The following NRG1 variants were observed in gnomAD, a reference collection of about 807,000 sequenced individuals.
NRG1 encodes the protein neuregulin 1.
NRG1 carries 18 observed loss-of-function variants against 63.8 expected under a neutral mutation model. The ratio of observed to expected loss-of-function variants is 0.28; its 90% CI spans 0.19 to 0.42. The LOEUF is 0.42. Ranked by LOEUF, NRG1 falls within the 10% of genes least tolerant of loss-of-function variation. The pLI is 1.00. For missense variants in NRG1, 762 were observed against 814.7 expected, an observed-to-expected ratio of 0.94 and a Z score of 0.79; for synonymous variants, 302 against 301.3, an observed-to-expected ratio of 1.00 and a Z score of -0.02.
chr8:32,024,168 T>C lies in NRG1; in HGVS notation c.37+384737T>C, dbSNP rs542412029. Among the ~76,000 whole-genome samples the C allele has an allele frequency of 1.1e-3, 166 of 152,328 alleles. 1 individual carries two copies. Among genetic ancestry groups the C allele is most frequent in the African/African-American group, 3.7e-3 (155 of 41,564 alleles). On this transcript the variant is annotated intron_variant, in intron 1 of 10. Coordinates refer to the NRG1 transcript ENST00000519301. ...TGTGATCCTGCCTAATACAGTAATT[T>C]GATTCCAGTTGAAAACTTCCATTAC...
At chr8:32,601,633 A>T (rs1844382133) in intron 2 of NRG1, among the ~76,000 whole-genome samples, 1 of 151,920 alleles carries the variant, frequency 6.6e-6, no homozygotes, top group African/African-American at 2.4e-5. Context: ...TGCCAGTGGG[A>T]CCTCTGTTTC....
At chr8:32,509,075 C>CTTTTT in intron 1 of NRG1, among the ~76,000 whole-genome samples, 1 of 149,558 alleles carries the variant, frequency 6.7e-6, no homozygotes. Context: ...TTTTCTTTTC[C>CTTTTT]TATTTTATTT....
intron 1 of NRG1, among the ~76,000 whole-genome samples, chr8:31,760,779 A>G (rs1375679831): frequency 3.3e-5 from 5 of 152,092 alleles, no homozygotes; most frequent in East Asian, 1.9e-4. Context: ...TTAGAATGGC[A>G]ATCATTAAAA....
intron 1 of NRG1, among the ~76,000 whole-genome samples, chr8:32,519,069 T>A (rs1457084642): frequency 6.6e-6 from 1 of 152,160 alleles, no homozygotes; most frequent in Non-Finnish European, 1.5e-5. Context: ...ATGAAATTTC[T>A]TAGGGTTAGA....
At chr8:32,155,734 T>C (rs1339786169) in intron 1 of NRG1, among the ~76,000 whole-genome samples, 1 of 152,238 alleles carries the variant, frequency 6.6e-6, no homozygotes, top group Non-Finnish European at 1.5e-5. Flanking sequence ...CTTCCTCTCA[T>C]TGAATCTGAT....
chr8:32,243,766 A>G (rs1848353204), intron 1 of NRG1, among the ~76,000 whole-genome samples: 1 of 152,074 alleles, frequency 6.6e-6, no homozygotes. Context: ...ATAGGTTTAG[A>G]TGAGGTCAGG....
intron 1 of NRG1, among the ~76,000 whole-genome samples, chr8:31,699,815 A>G (rs1180907214): frequency 1.3e-5 from 2 of 152,192 alleles, no homozygotes; most frequent in African/African-American, 4.8e-5. Flanking sequence ...CCTGGGACTG[A>G]CAACCTAGGT....
chr8:32,609,651 CT>C (rs1846009958), intron 3 of NRG1, among the ~76,000 whole-genome samples: 1 of 128,532 alleles, frequency 7.8e-6, no homozygotes, highest in Non-Finnish European at 1.6e-5. Flanking sequence ...GTCTGTCTCT[CT>C]CTCTCTTTCC....
chr8:32,605,499 T>C (rs1451616187), intron 2 of NRG1, 63 bp from the exon 3 acceptor site: 1 of 1,585,304 alleles, frequency 6.3e-7, no homozygotes, highest in African/African-American at 1.4e-5. Context: ...TAGAAAAGTA[T>C]GTATTTATAT....
chr8:32,646,116 G>T (rs1853473061), intron 5 of NRG1, among the ~76,000 whole-genome samples: 1 of 152,110 alleles, frequency 6.6e-6, no homozygotes, highest in South Asian at 2.1e-4. Context: ...TCATAACTCT[G>T]TTACTTACTG....
chr8:31,886,564 T>C (rs1830729645), intron 1 of NRG1, among the ~76,000 whole-genome samples: 1 of 152,110 alleles, frequency 6.6e-6, no homozygotes, highest in African/African-American at 2.4e-5. Flanking sequence ...CAATCAAGTT[T>C]GCTAAAATGA....
chr8:31,639,572 A>G (rs1391435238), intron 1 of NRG1: 15 of 1,436,716 alleles, frequency 1.0e-5, no homozygotes, highest in Middle Eastern at 3.7e-4. Context: ...CCGCCGCAGC[A>G]TCACTTCACA....
chr8:31,987,453 G>C (rs988211017), intron 1 of NRG1, among the ~76,000 whole-genome samples: 1 of 151,010 alleles, frequency 6.6e-6, no homozygotes, highest in Non-Finnish European at 1.5e-5. Context: ...CAACATGGAC[G>C]CAGCTGGAGG....
intron 1 of NRG1, among the ~76,000 whole-genome samples, chr8:31,984,574 T>C (rs1293090743): frequency 6.6e-6 from 1 of 152,108 alleles, no homozygotes; most frequent in Non-Finnish European, 1.5e-5. Context: ...TTTCTGTGTC[T>C]GGACACTGGA....
chr8:32,309,053 A>T (rs1367204403), intron 1 of NRG1, among the ~76,000 whole-genome samples: 1 of 152,136 alleles, frequency 6.6e-6, no homozygotes, highest in Admixed American at 6.6e-5. Flanking sequence ...GGAGTGAAGG[A>T]TGTGCCATCC....
At chr8:32,273,328 G>T (rs1234839497) in intron 1 of NRG1, among the ~76,000 whole-genome samples, 1 of 152,030 alleles carries the variant, frequency 6.6e-6, no homozygotes, top group East Asian at 1.9e-4. Flanking sequence ...TGGAACACTT[G>T]CAGTTATTTT....
intron 1 of NRG1, among the ~76,000 whole-genome samples, chr8:32,355,669 GAA>G (rs34832764): frequency 1.0e-3 from 150 of 148,926 alleles, no homozygotes; most frequent in African/African-American, 3.6e-3. Flanking sequence ...AAAGAAGGGG[GAA>G]AAAAAAAACT....
At chr8:31,723,938 G>A (rs570913309) in intron 1 of NRG1, among the ~76,000 whole-genome samples, 33 of 152,192 alleles carry the variant, frequency 2.2e-4, no homozygotes, top group African/African-American at 6.5e-4. Context: ...TTCCCCAAAC[G>A]TTCTTAGTTA....
intron 5 of NRG1, among the ~76,000 whole-genome samples, chr8:32,703,351 C>A (rs533182071): frequency 6.6e-6 from 1 of 151,568 alleles, no homozygotes; most frequent in South Asian, 2.1e-4. Context: ...TGTTTGATTT[C>A]CCAAATGATT....
Sources: allele counts gnomAD v4.1 joint callset (sites outside exome capture counted in the v4.1 genomes callset), GRCh38; gene constraint gnomAD v4.1.1; transcripts MANE v1.5; gene names NCBI Gene and HGNC (gene_info 2026-07-23, HGNC 2026-07-21).